ERBB3: variants seen among roughly 807,000 people sequenced by gnomAD.
ERBB3 encodes the protein erb-b2 receptor tyrosine kinase 3, also known as receptor tyrosine-protein kinase erbB-3.
ERBB3 carries 96 observed loss-of-function variants against 156.7 expected under a neutral mutation model. The observed-to-expected ratio is 0.61, with a 90% CI of 0.52 to 0.73. The LOEUF (loss-of-function observed/expected upper bound fraction) is 0.73, where lower values mean the gene tolerates loss of function less well. Ranked by LOEUF, ERBB3 falls within the 30% of genes least tolerant of loss-of-function variation. The pLI, the probability that ERBB3 is intolerant of heterozygous loss-of-function variation, is 0.00. For missense variants in ERBB3, 1,406 were observed against 1,709.4 expected, an observed-to-expected ratio of 0.82 and a Z score of 3.13; for synonymous variants, 567 against 632.0, an observed-to-expected ratio of 0.90 and a Z score of 1.54.
intron 23 of ERBB3, 71 bp downstream of exon 23, chr12:56,098,976 C>CA: frequency 7.8e-7 from 1 of 1,281,680 alleles, no homozygotes; most frequent in Non-Finnish European, 1.1e-6. Context: ...TTTTTTGAGA[C>CA]AGAGTCTCAC....
intron 1 of ERBB3, 89 bp from the exon 2 acceptor site, chr12:56,083,662 G>C: frequency 2.7e-6 from 4 of 1,483,618 alleles, no homozygotes; most frequent in Non-Finnish European, 3.8e-6. Context: ...AACTGGAAGA[G>C]GGCAACCAAG....
intron 9 of ERBB3, among the ~76,000 whole-genome samples, chr12:56,091,313 AT>A (rs367833740): frequency 9.1e-4 from 2 of 2,190 alleles, no homozygotes; most frequent in Non-Finnish European, 1.5e-3. Context: ...ATATATAAAT[AT>A]AAATATATAT....
At chr12:56,098,282 T>G (rs1868959248) in intron 21 of ERBB3, 1 of 577,258 alleles carries the variant, frequency 1.7e-6, no homozygotes, top group Non-Finnish European at 3.1e-6. Flanking sequence ...CGTGGCGGCA[T>G]GCATCTGTAC....
rs11171740 is a variant in ERBB3 at position 56,090,290 on chromosome 12, G to A, written c.1109+1422G>A. 5.6e-4 allele frequency among the ~76,000 whole-genome samples: 85 copies of A among 151,742 alleles called. No homozygotes were observed. In the East Asian group the frequency reaches 0.015, roughly 27 times the overall value. On this transcript the variant is annotated intron_variant, in intron 9 of 27. Transcript: ENST00000267101. ...GTTGGGATTACAAGTGTGAGCCACCGCGTCTGGCCCCCCATACACTCTTTT... is the reference window on the plus strand; with the variant it reads ...GTTGGGATTACAAGTGTGAGCCACCACGTCTGGCCCCCCATACACTCTTTT...
chr12:56,090,214 G>A (rs1868632164), intron 9 of ERBB3, among the ~76,000 whole-genome samples: 1 of 151,800 alleles, frequency 6.6e-6, no homozygotes, highest in African/African-American at 2.4e-5. Flanking sequence ...AGGCCAGGCT[G>A]GTCTCGAACT....
rs1869133511 is a variant in ERBB3, at chr12:56,102,094, A to G, written c.*39A>G. 6.3e-7 allele frequency: 1 copy of G among 1,576,144 alleles called. No homozygotes were observed. The highest frequency in any genetic ancestry group is 1.7e-5 in the Admixed American group (1 of 59,966). On this transcript the variant is annotated 3_prime_UTR_variant, in exon 28 of 28. Transcript: ENST00000267101. Reference sequence around the variant, plus strand: ...TGGCACTCAGGGAGCATTTAATGGCAGCTAGTGCCTTTAGAGGGTACCGTC... The same window carrying G: ...TGGCACTCAGGGAGCATTTAATGGCGGCTAGTGCCTTTAGAGGGTACCGTC...
At position 56,083,814 on chromosome 12, in the gene ERBB3, T is replaced by C; in HGVS notation, c.146T>C (p.Leu49Pro). 1 of 1,614,092 alleles carries C rather than the reference T, an allele frequency of 6.2e-7. No individual in the cohort carries two copies. Residue 49 changes from leucine (L) to proline (P), a missense_variant, in exon 2 of 28, where the codon CTG (leucine) becomes CCG (proline). Leu to Pro is a moderately conservative substitution (Grantham distance 98). Transcript: ENST00000267101. ...TGDAENQYQTLYKLYERCEVV... is the reference protein window; with the variant it reads ...TGDAENQYQTPYKLYERCEVV... ...GATGCTGAGAACCAATACCAGACAC[T>C]GTACAAGCTCTACGAGAGGTGTGAG...
chr12:56,100,301 G>A, intron 26 of ERBB3, 56 bp downstream of exon 26: 3 of 1,373,920 alleles, frequency 2.2e-6, no homozygotes, highest in Admixed American at 1.7e-5. Context: ...CGAGTAGTAT[G>A]GAAGACATTA....
At chr12:56,082,964 G>A (rs950553811) in intron 1 of ERBB3, among the ~76,000 whole-genome samples, 2 of 152,318 alleles carry the variant, frequency 1.3e-5, no homozygotes, top group Admixed American at 1.3e-4. Context: ...GAGGTTGCTA[G>A]AGTGTGTTGG....
rs764505233 is a variant in ERBB3, at chr12:56,087,579, C to T, written c.550C>T (p.Pro184Ser). Residue 184 changes from proline (P) to serine (S), a missense_variant and splice_region_variant, in exon 5 of 28, where the codon CCC (proline) becomes TCC (serine). Around this residue, in one of 3 missense-constraint regions of ERBB3, gnomAD observed 979 missense variants for 1,219.6 expected, o/e 0.80. Transcript: ENST00000267101. ...GTGTTGCCTTCCTTCCCAACCAGGT[C>T]CCCCCTGTCATGAGGTTTGCAAGGG... ...IVVKDNGRSCPPCHEVCKGRC... is the reference protein window; with the variant it reads ...IVVKDNGRSCSPCHEVCKGRC... The T allele has an allele frequency of 1.9e-6, 3 of 1,613,178 alleles. No homozygotes were observed. Among genetic ancestry groups the T allele is most frequent in the Non-Finnish European group, 2.5e-6 (3 of 1,179,140 alleles).
chr12:56,102,332 T>G lies in ERBB3; in HGVS notation c.*277T>G. On this transcript the variant is annotated 3_prime_UTR_variant, in exon 28 of 28. Coordinates refer to ENST00000267101, the MANE Select transcript of ERBB3 (RefSeq NM_001982.4). Reference sequence around the variant, plus strand: ...CATTCCTCAGCTTCTTCACAGGCACTCCTGGAGATATGAAGGATTACTCTC... The same window carrying G: ...CATTCCTCAGCTTCTTCACAGGCACGCCTGGAGATATGAAGGATTACTCTC... 2.1e-6 allele frequency: 1 copy of G among 475,600 alleles called. No homozygotes were observed. Among genetic ancestry groups the G allele is most frequent in the Non-Finnish European group, 3.8e-6 (1 of 261,306 alleles). 29.5% of individuals were successfully genotyped at this position (475,600 alleles called of 1,614,324 possible).
intron 26 of ERBB3, among the ~76,000 whole-genome samples, chr12:56,100,816 T>C (rs1478278359): frequency 1.3e-5 from 2 of 150,858 alleles, no homozygotes; most frequent in Admixed American, 6.6e-5. Flanking sequence ...GGCAGGTGCC[T>C]GTAATCCCAG....
At chr12:56,096,987 C>T in intron 19 of ERBB3, 58 bp from the exon 20 acceptor site, 1 of 1,566,096 alleles carries the variant, frequency 6.4e-7, no homozygotes, top group Non-Finnish European at 8.8e-7. Flanking sequence ...TGGCTGTGCA[C>T]ATGCTGAGTG....
At position 56,080,236 on chromosome 12, in the gene ERBB3, C is replaced by A; in HGVS notation, c.-65C>A. ...CCAGCGGTTCAGGTGGCTCTTGCCT[C>A]GATGTCCTAGCCTAGGGGCCCCCGG... On this transcript the variant is annotated 5_prime_UTR_variant, in exon 1 of 28. Transcript: ENST00000267101. The A allele has an allele frequency of 1.5e-6, 2 of 1,335,186 alleles. No individual in the cohort carries two copies. Among genetic ancestry groups the A allele is most frequent in the South Asian group, 1.3e-5 (1 of 79,974 alleles). 82.7% of individuals were successfully genotyped at this position (1,335,186 alleles called of 1,614,324 possible).
At position 56,102,806 on chromosome 12, in the gene ERBB3, TAAAA is replaced by T. The variant is rs4016497; in HGVS notation, c.*776_*779del. 91 of 56,142 alleles carry T rather than the reference TAAAA, an allele frequency of 1.6e-3. No homozygotes were observed. Among genetic ancestry groups the T allele is most frequent in the East Asian group, 2.7e-3 (10 of 3,716 alleles). 3.5% of individuals were successfully genotyped at this position (56,142 alleles called of 1,614,324 possible). On this transcript the variant is annotated 3_prime_UTR_variant, in exon 28 of 28. Transcript: ENST00000267101. ...CAACATAGTAAGACCCCCATCTCTT[TAAAA>T]AAAAAAAAAAAAAAAAAAAAAAAAC...
In ERBB3 at chr12:56,087,644, T is replaced by C. The variant is rs1327500643; in HGVS notation, c.613+2T>C. 1 of 1,613,998 alleles carries C rather than the reference T, an allele frequency of 6.2e-7. No homozygotes were observed. The highest frequency in any genetic ancestry group is 1.1e-5 in the South Asian group (1 of 91,080). On this transcript the variant is annotated splice_donor_variant, in intron 5 of 27. Coordinates refer to ENST00000267101, the MANE Select transcript of ERBB3 (RefSeq NM_001982.4). LOFTEE classifies it high-confidence loss of function. Reference sequence around the variant, plus strand: ...CTGGATCAGAAGACTGCCAGACATGTGGGTTTGAAATTCCCTCCAAAAACT... The same window carrying C: ...CTGGATCAGAAGACTGCCAGACATGCGGGTTTGAAATTCCCTCCAAAAACT...
rs368508813 is a variant in ERBB3, at chr12:56,096,539, A to G, written c.2092A>G (p.Lys698Glu). 7.4e-6 allele frequency: 12 copies of G among 1,614,054 alleles called. No homozygotes were observed. The African/African-American group carries it at 1.6e-4, about 22-fold the overall frequency. ...EPLDPSEKANKVLARIFKETE... is the reference protein window; with the variant it reads ...EPLDPSEKANEVLARIFKETE... The stretch of plus-strand genomic sequence containing the variant: ...TCTGGACCCCAGTGAGAAGGCTAAC[A>G]AAGTCTTGGCCAGAATCTTCAAAGA... The change falls in exon 18 of 28, where the codon AAA (lysine) becomes GAA (glutamate). Residue 698 changes from lysine to glutamate, a missense_variant. Lys to Glu is a moderately conservative substitution (Grantham distance 56, BLOSUM62 1). Around this residue, in one of 3 missense-constraint regions of ERBB3, gnomAD observed 979 missense variants for 1,219.6 expected, o/e 0.80. Transcript: ENST00000267101.
In ERBB3 at chr12:56,102,822, A is replaced by AC. The variant is rs1592233283; in HGVS notation, c.*767_*768insC. The AC allele has an allele frequency of 9.3e-6, 2 of 214,840 alleles. No homozygotes were observed. The highest frequency in any genetic ancestry group is 1.4e-4 in the East Asian group (2 of 14,780). 13.3% of individuals were successfully genotyped at this position (214,840 alleles called of 1,614,324 possible). A position where few individuals can be genotyped will look rare whatever the true frequency, so the allele number is the denominator to read the frequency against. On this transcript the variant is annotated 3_prime_UTR_variant, in exon 28 of 28. Coordinates refer to ENST00000267101, the MANE Select transcript of ERBB3 (RefSeq NM_001982.4). ...CCATCTCTTTAAAAAAAAAAAAAAA[A>AC]AAAAAAAAAAAACTTTAGAACTGGG... is the stretch of plus-strand genomic sequence containing the variant.
chr12:56,085,963 G>A (rs1868470941), intron 3 of ERBB3, among the ~76,000 whole-genome samples: 1 of 147,838 alleles, frequency 6.8e-6, no homozygotes, highest in Non-Finnish European at 1.5e-5. Context: ...GAGCTACTCG[G>A]GAGGCTGAGG....
Sources: allele counts gnomAD v4.1 joint callset (sites outside exome capture counted in the v4.1 genomes callset), GRCh38; gene constraint gnomAD v4.1.1; regional missense constraint gnomAD v4.1.1; transcripts MANE v1.5; gene names NCBI Gene and HGNC (gene_info 2026-07-23, HGNC 2026-07-21).